Variants in FGF8 observed in about 807,000 individuals in gnomAD.
FGF8 encodes androgen-induced growth factor.
In FGF8, 12 loss-of-function variants were observed where a neutral mutation model predicts 29.7. That is an observed-to-expected ratio of 0.40 (90% CI 0.26 to 0.65). FGF8 has a LOEUF of 0.65. FGF8 is among the 30% of genes least tolerant of loss of function. The pLI is 0.37. For synonymous variants in FGF8, 157 were observed against 144.4 expected (o/e 1.09, Z -0.63); for missense variants, 271 against 345.1 (o/e 0.79, Z 1.70).
chr10:101,773,844 C>A (rs2065054580), intron 4 of FGF8, among the ~76,000 whole-genome samples: 1 of 152,218 alleles, frequency 6.6e-6, no homozygotes, highest in Non-Finnish European at 1.5e-5. Context: ...AGACTTGCAA[C>A]TCCTTTCAAA....
chr10:101,775,199 G>T lies in FGF8; in HGVS notation c.87C>A (p.Gly29=). ...AAGCGAGCTCCCTGCCCAGCGCAGG[G>T]CCCCTGCCCGGGCCTTCCTAGAGGA... The part of the protein sequence containing the change: ...CLQAQEGPGR[G]PALGRELASL... The change falls in exon 3 of 6, where the codon GGC becomes GGA. Residue 29 remains glycine, a synonymous_variant. Transcript: ENST00000320185. This position sits in a 1 kb window ranked among gnomAD's most constrained non-coding sequence, Gnocchi z 4.6. 1 of 1,547,660 alleles carries T rather than the reference G, an allele frequency of 6.5e-7. No homozygotes were observed. The highest frequency in any genetic ancestry group is 8.7e-7 in the Non-Finnish European group (1 of 1,146,608).
At position 101,775,743 on chromosome 10, in the gene FGF8, G is replaced by C. The variant is rs1470762816; in HGVS notation, c.66C>G (p.Ala22=). The change falls in exon 2 of 6, where the codon GCC becomes GCG. Residue 22 remains alanine, a synonymous_variant. Transcript: ENST00000320185. This position sits in a 1 kb window ranked among gnomAD's most constrained non-coding sequence, Gnocchi z 4.6. ...GCCTCCGCGCACCCCTCCTCACCTG[G>C]GCTTGGAGGCAGAGGACCAGCAAGT... ...LLHLLVLCLQ[A]QEGPGRGPAL... The C allele has an allele frequency of 1.3e-6, 2 of 1,545,644 alleles. No homozygotes were observed. Among genetic ancestry groups the C allele is most frequent in the Non-Finnish European group, 8.7e-7 (1 of 1,146,012 alleles).
At position 101,772,270 on chromosome 10, in the gene FGF8, GT is replaced by G. The variant is rs2065036804; in HGVS notation, c.338-702del. Among the ~76,000 whole-genome samples the G allele has an allele frequency of 6.6e-6, 1 of 152,192 alleles. No individual in the cohort carries two copies. The highest frequency in any genetic ancestry group is 2.4e-5 in the African/African-American group (1 of 41,430). ...TCCCTGTGGCTTCCCAGTCACCAGG[GT>G]CCCCAGCCCAGTGTCTAGAAATCAA... On this transcript the variant is annotated intron_variant, in intron 4 of 5. Transcript: ENST00000320185. This position sits in a 1 kb window ranked among gnomAD's most constrained non-coding sequence, Gnocchi z 4.4.
chr10:101,774,978 C>A (rs990686415), intron 3 of FGF8, 66 bp from the exon 4 acceptor site: 2 of 1,571,716 alleles, frequency 1.3e-6, no homozygotes, highest in Non-Finnish European at 1.7e-6. Flanking sequence ...GCCCGAGTGG[C>A]CCCATCACCC....
At position 101,770,533 on chromosome 10, in the gene FGF8, G is replaced by A. The variant is rs760495911; in HGVS notation, c.531C>T (p.Gly177=). The change falls in exon 6 of 6, where the codon GGC becomes GGT. Residue 177 remains glycine, a synonymous_variant. Transcript: ENST00000320185. ...CCTTGCGGGTGAAGGCCATGTACCAGCCCTCGTACTTGGCATTCTGCAGCG... is the reference window on the plus strand; with the variant it reads ...CCTTGCGGGTGAAGGCCATGTACCAACCCTCGTACTTGGCATTCTGCAGCG... The part of the protein sequence containing the change: ...YTALQNAKYE[G]WYMAFTRKGR... 6.2e-7 allele frequency: 1 copy of A among 1,613,550 alleles called. No homozygotes were observed. Among genetic ancestry groups the A allele is most frequent in the Admixed American group, 1.7e-5 (1 of 60,034 alleles).
At position 101,771,827 on chromosome 10, in the gene FGF8, A is replaced by T. The variant is rs2065032196; in HGVS notation, c.338-258T>A. On this transcript the variant is annotated intron_variant, in intron 4 of 5. Coordinates refer to ENST00000320185, the MANE Select transcript of FGF8 (RefSeq NM_033163.5). The surrounding 1 kb of genome is among the most constrained non-coding windows in gnomAD (Gnocchi z 5.3). ...GGTTCTCAAGAGAGGTCTTGGGACT[A>T]TCAAATTGAAAAGGCTGAAGTGCCA... is the stretch of plus-strand genomic sequence containing the variant. Among the ~76,000 whole-genome samples, 1 of 152,246 alleles carries T rather than the reference A, an allele frequency of 6.6e-6. No individual in the cohort carries two copies. The highest frequency in any genetic ancestry group is 2.4e-5 in the African/African-American group (1 of 41,464).
upstream of FGF8, among the ~76,000 whole-genome samples, chr10:101,776,544 G>A (rs1430918708): frequency 6.6e-6 from 1 of 152,064 alleles, no homozygotes; most frequent in Admixed American, 6.5e-5. Flanking sequence ...CGAGTCTGGC[G>A]GGTCTGGGTC....
Position 101,770,268 on chromosome 10 carries a change from T to C in FGF8, c.*61A>G. The C allele has an allele frequency of 6.8e-7, 1 of 1,479,474 alleles. No individual in the cohort carries two copies. The highest frequency in any genetic ancestry group is 2.1e-5 in the Admixed American group (1 of 47,600). The allele number at this position is 1,479,474 out of a possible 1,614,324, so 91.6% of individuals were successfully genotyped here. On this transcript the variant is annotated 3_prime_UTR_variant, in exon 6 of 6. Coordinates refer to ENST00000320185, the MANE Select transcript of FGF8 (RefSeq NM_033163.5). ...CGCACAGCTCATCTTGCTTGAGTTT[T>C]GGGTGCCCTACAGGATGAGCCTCTC...
rs1306771048 is a variant in FGF8 at position 101,775,249 on chromosome 10, C to G, written c.70-33G>C. 7.1e-7 allele frequency: 1 copy of G among 1,408,348 alleles called. No homozygotes were observed. The highest frequency in any genetic ancestry group is 2.5e-5 in the East Asian group (1 of 40,270). 87.2% of individuals were successfully genotyped at this position (1,408,348 alleles called of 1,614,324 possible). A position where few individuals can be genotyped will look rare whatever the true frequency, so the allele number is the denominator to read the frequency against. ...AGCAGGGCGCTTTTAAGTAGGGAGG[C>G]AGCCCTCCCCGACCCCTGACATTTA... On this transcript the variant is annotated intron_variant, in intron 2 of 5. Transcript: ENST00000320185. This position sits in a 1 kb window ranked among gnomAD's most constrained non-coding sequence, Gnocchi z 4.6.
In FGF8 at chr10:101,775,320, G is replaced by A. The variant is rs1389812987; in HGVS notation, c.70-104C>T. 2 of 843,524 alleles carry A rather than the reference G, an allele frequency of 2.4e-6. No homozygotes were observed. The highest frequency in any genetic ancestry group is 1.7e-5 in the African/African-American group (1 of 59,756). The allele number at this position is 843,524 out of a possible 1,614,324, so 52.3% of individuals were successfully genotyped here. ...AAATGTTGAGAGTGCAGGGAACCTG[G>A]GCACCCGATCATTGGGCCAAATCGG... On this transcript the variant is annotated intron_variant, in intron 2 of 5. Transcript: ENST00000320185. This position sits in a 1 kb window ranked among gnomAD's most constrained non-coding sequence, Gnocchi z 4.6.
In FGF8 at chr10:101,775,830, CG is replaced by C; in HGVS notation, c.32+38del. ...AGAGGCGCGGGTGAGGCGAGGGGCG[CG>C]GGGGGCGGGTGGCGGGGCAGGGCGG... On this transcript the variant is annotated intron_variant, in intron 1 of 5. Transcript: ENST00000320185. This position sits in a 1 kb window ranked among gnomAD's most constrained non-coding sequence, Gnocchi z 4.6. The C allele has an allele frequency of 1.9e-6, 2 of 1,040,894 alleles. No homozygotes were observed. Among genetic ancestry groups the C allele is most frequent in the Non-Finnish European group, 1.4e-6 (1 of 735,708 alleles). The allele number at this position is 1,040,894 out of a possible 1,614,324, so 64.5% of individuals were successfully genotyped here. A position where few individuals can be genotyped will look rare whatever the true frequency, so the allele number is the denominator to read the frequency against.
upstream of FGF8, among the ~76,000 whole-genome samples, chr10:101,776,607 C>T (rs1023588859): frequency 6.6e-6 from 1 of 152,088 alleles, no homozygotes; most frequent in Non-Finnish European, 1.5e-5. Context: ...GGTCTCCGAG[C>T]CACCTACTGT....
In FGF8 at chr10:101,771,107, GC is replaced by G. The variant is rs1245033537; in HGVS notation, c.444+355del. ...ACTAATGGAGCCATTTCAGAGCTCG[GC>G]CGAGGGGCTGGGCCTGCGGCTTACT... is the stretch of plus-strand genomic sequence containing the variant. On this transcript the variant is annotated intron_variant, in intron 5 of 5. Transcript: ENST00000320185. The surrounding 1 kb of genome is among the most constrained non-coding windows in gnomAD (Gnocchi z 5.3). Among the ~76,000 whole-genome samples the G allele has an allele frequency of 6.6e-6, 1 of 151,294 alleles. No homozygotes were observed. The highest frequency in any genetic ancestry group is 1.5e-5 in the Non-Finnish European group (1 of 67,788).
At position 101,775,913 on chromosome 10, in the gene FGF8, C is replaced by A; in HGVS notation, c.-13G>T. 1 of 1,229,322 alleles carries A rather than the reference C, an allele frequency of 8.1e-7. No homozygotes were observed. Among genetic ancestry groups the A allele is most frequent in the Non-Finnish European group, 1.0e-6 (1 of 989,484 alleles). 76.2% of individuals were successfully genotyped at this position (1,229,322 alleles called of 1,614,324 possible). A position where few individuals can be genotyped will look rare whatever the true frequency, so the allele number is the denominator to read the frequency against. On this transcript the variant is annotated 5_prime_UTR_variant, in exon 1 of 6. Transcript: ENST00000320185. The surrounding 1 kb of genome is among the most constrained non-coding windows in gnomAD (Gnocchi z 4.6). ...GGGGGCTGCCCATGGCGCGCGGCCC[C>A]GGGGCACCGAGAGCCCGGCGGGTCA... is the stretch of plus-strand genomic sequence containing the variant.
At position 101,775,540 on chromosome 10, in the gene FGF8, A is replaced by G; in HGVS notation, c.69+200T>C. ...ACCTTCGTTTCTATCCTGGCCACTCACTCGCTGTGTGACCTCAGGAGGGGT... is the reference window on the plus strand; with the variant it reads ...ACCTTCGTTTCTATCCTGGCCACTCGCTCGCTGTGTGACCTCAGGAGGGGT... On this transcript the variant is annotated intron_variant, in intron 2 of 5. Transcript: ENST00000320185. This position sits in a 1 kb window ranked among gnomAD's most constrained non-coding sequence, Gnocchi z 4.6. 1.6e-6 allele frequency: 1 copy of G among 624,014 alleles called. No homozygotes were observed. The highest frequency in any genetic ancestry group is 2.8e-6 in the Non-Finnish European group (1 of 357,920). 38.7% of individuals were successfully genotyped at this position (624,014 alleles called of 1,614,324 possible). A position where few individuals can be genotyped will look rare whatever the true frequency, so the allele number is the denominator to read the frequency against.
rs1342547170 is a variant in FGF8 at position 101,770,237 on chromosome 10, G to A, written c.*92C>T. 1.6e-6 allele frequency: 2 copies of A among 1,287,098 alleles called. No homozygotes were observed. Among genetic ancestry groups the A allele is most frequent in the Admixed American group, 2.5e-5 (1 of 40,516 alleles). The allele number at this position is 1,287,098 out of a possible 1,614,324, so 79.7% of individuals were successfully genotyped here. A position where few individuals can be genotyped will look rare whatever the true frequency, so the allele number is the denominator to read the frequency against. On this transcript the variant is annotated 3_prime_UTR_variant, in exon 6 of 6. Coordinates refer to ENST00000320185, the MANE Select transcript of FGF8 (RefSeq NM_033163.5). ...TCCCCCAGCACCTCCCCAGCCTGCA[G>A]AGCAGCGCACAGCTCATCTTGCTTG...
chr10:101,774,655 C>T (rs766210628), intron 4 of FGF8, 77 bp downstream of exon 4: 42 of 1,275,694 alleles, frequency 3.3e-5, no homozygotes, highest in Non-Finnish European at 4.5e-5. Context: ...GGGGACCCTG[C>T]AGGCCCCCGG....
At position 101,775,872 on chromosome 10, in the gene FGF8, C is replaced by T; in HGVS notation, c.29G>A (p.Cys10Tyr). 2 of 1,448,008 alleles carry T rather than the reference C, an allele frequency of 1.4e-6. No homozygotes were observed. The highest frequency in any genetic ancestry group is 5.9e-5 in the East Asian group (2 of 33,762). The allele number at this position is 1,448,008 out of a possible 1,614,324, so 89.7% of individuals were successfully genotyped here. A position where few individuals can be genotyped will look rare whatever the true frequency, so the allele number is the denominator to read the frequency against. ...GGCAGGGCGGCGCGGTACTCACAGG[C>T]AGCTCAGCGCGGAGCGGGGGCTGCC... Reference protein sequence around the residue: MGSPRSALSCLLLHLLVLCL... With the variant: MGSPRSALSYLLLHLLVLCL... The change falls in exon 1 of 6, where the codon TGC becomes TAC. Residue 10 changes from cysteine (C) to tyrosine (Y), a missense_variant. Physicochemically the swap from Cys to Tyr is radical, Grantham distance 194. Around this residue, in one of 3 missense-constraint regions of FGF8, gnomAD observed 168 missense variants for 207.0 expected, o/e 0.81. Coordinates refer to ENST00000320185, the MANE Select transcript of FGF8 (RefSeq NM_033163.5). This position sits in a 1 kb window ranked among gnomAD's most constrained non-coding sequence, Gnocchi z 4.6.
chr10:101,775,277 A>G lies in FGF8; in HGVS notation c.70-61T>C, dbSNP rs2065074343. ...CCCTCCCCGACCCCTGACATTTATA[A>G]AGACAAATTTACGGAGCAAATGTTG... On this transcript the variant is annotated intron_variant, in intron 2 of 5. Transcript: ENST00000320185. The surrounding 1 kb of genome is among the most constrained non-coding windows in gnomAD (Gnocchi z 4.6). 8.3e-7 allele frequency: 1 copy of G among 1,208,064 alleles called. No individual in the cohort carries two copies. The highest frequency in any genetic ancestry group is 1.5e-5 in the African/African-American group (1 of 66,586). 74.8% of individuals were successfully genotyped at this position (1,208,064 alleles called of 1,614,324 possible). A position where few individuals can be genotyped will look rare whatever the true frequency, so the allele number is the denominator to read the frequency against.
Sources: allele counts gnomAD v4.1 joint callset (sites outside exome capture counted in the v4.1 genomes callset), GRCh38; gene constraint gnomAD v4.1.1; regional missense constraint gnomAD v4.1.1; non-coding constraint Gnocchi (gnomAD v3.1); transcripts MANE v1.5; gene names NCBI Gene and HGNC (gene_info 2026-07-23, HGNC 2026-07-21).